OR2M3: variants seen among roughly 807,000 people sequenced by gnomAD.
OR2M3 encodes the protein olfactory receptor 2M3.
OR2M3 carries 1 observed loss-of-function variant against 4.3 expected under a neutral mutation model. The observed-to-expected ratio is 0.23, with a 90% confidence interval of 0.08 to 1.11. The LOEUF (loss-of-function observed/expected upper bound fraction) is 1.11, where lower values mean the gene tolerates loss of function less well. OR2M3 is among the 50% of genes most tolerant of loss of function. The probability of loss-of-function intolerance (pLI) is 0.54; values close to 1 mark genes in which losing one functional copy is unlikely to be tolerated. For synonymous variants in OR2M3, 151 were observed against 139.4 expected, an observed-to-expected ratio of 1.08 and a Z score of -0.59; for missense variants, 410 against 390.4, an observed-to-expected ratio of 1.05 and a Z score of -0.42.
In OR2M3 at chr1:248,206,036, G is replaced by GTGT. The variant is rs959729991; in HGVS notation, c.*2041_*2043dup. ...GGTTAGGTATACTCCTTAATATTTT[G>GTGT]TGTTGTTGTTGTTATATTATTTGCT... On this transcript the variant is annotated 3_prime_UTR_variant, in exon 2 of 2. Transcript: ENST00000641626. 6.6e-6 allele frequency: 1 copy of GTGT among 150,996 alleles called. No individual in the cohort carries two copies. The highest frequency in any genetic ancestry group is 1.9e-4 in the East Asian group (1 of 5,136). The allele number at this position is 150,996 out of a possible 1,614,324, so 9.4% of individuals were successfully genotyped here.
In OR2M3 at chr1:248,205,834, T is replaced by A. The variant is rs1049192954; in HGVS notation, c.*1828T>A. ...TTTCTAGTTCTGTTAAGAAGGATGG[T>A]GATATTTTAGTGGGAATTGCATTGA... On this transcript the variant is annotated 3_prime_UTR_variant, in exon 2 of 2. Transcript: ENST00000641626. 7 of 152,118 alleles carry A rather than the reference T, an allele frequency of 4.6e-5. No individual in the cohort carries two copies. Among genetic ancestry groups the A allele is most frequent in the African/African-American group, 1.7e-4 (7 of 41,434 alleles). 9.4% of individuals were successfully genotyped at this position (152,118 alleles called of 1,614,324 possible).
At chr1:248,202,915 T>C (rs1666173371) in intron 1 of OR2M3, 135 bp from the exon 2 acceptor site, 1 of 770,674 alleles carries the variant, frequency 1.3e-6, no homozygotes, top group Non-Finnish European at 2.1e-6. Flanking sequence ...AGATTCTATA[T>C]TTCTTGACCT....
intron 1 of OR2M3, among the ~76,000 whole-genome samples, chr1:248,200,500 A>C (rs1403659076): frequency 1.3e-5 from 2 of 152,142 alleles, no homozygotes; most frequent in African/African-American, 4.8e-5. Context: ...GACTGGACCT[A>C]GATCTGAGCT....
chr1:248,203,942 T>G lies in OR2M3; in HGVS notation c.875T>G (p.Leu292Arg). The G allele has an allele frequency of 2.5e-6, 4 of 1,613,838 alleles. No individual in the cohort carries two copies. The highest frequency in any genetic ancestry group is 3.4e-6 in the Non-Finnish European group (4 of 1,179,912). The change falls in exon 2 of 2, where the codon CTC becomes CGC. Residue 292 changes from leucine to arginine, a missense_variant. Leu to Arg is a moderately radical substitution (Grantham distance 102, BLOSUM62 -2). Coordinates refer to ENST00000641626, the MANE Select transcript of OR2M3 (RefSeq NM_001004689.2). The stretch of plus-strand genomic sequence containing the variant: ...ATGTTGAATCCCCTCATCTACAGCC[T>G]CCGCAACAAGGAGGTGACCAGAGCA... ...TPMLNPLIYS[L>R]RNKEVTRAFM... is the part of the protein sequence containing the mutation.
chr1:248,200,212 A>G (rs565897205), intron 1 of OR2M3, among the ~76,000 whole-genome samples: 46 of 152,250 alleles, frequency 3.0e-4, no homozygotes, highest in Non-Finnish European at 2.5e-4. Flanking sequence ...GTTTGCATAA[A>G]TTAGTGTATT....
At position 248,210,916 on chromosome 1, in the gene OR2M3, A is replaced by G. The variant is rs1440020562; in HGVS notation, c.*6910A>G. ...AAAGCCTGTTTGGTGGTCTCTTCACATGGACACTTGAGACACTCTGTCCAT... is the reference window on the plus strand; with the variant it reads ...AAAGCCTGTTTGGTGGTCTCTTCACGTGGACACTTGAGACACTCTGTCCAT... On this transcript the variant is annotated 3_prime_UTR_variant, in exon 2 of 2. Coordinates refer to ENST00000641626, the MANE Select transcript of OR2M3 (RefSeq NM_001004689.2). The G allele has an allele frequency of 6.6e-6, 1 of 152,308 alleles. No homozygotes were observed. The highest frequency in any genetic ancestry group is 1.5e-5 in the Non-Finnish European group (1 of 68,110). The allele number at this position is 152,308 out of a possible 1,614,324, so 9.4% of individuals were successfully genotyped here.
intron 1 of OR2M3, among the ~76,000 whole-genome samples, chr1:248,202,523 A>G (rs1031871466): frequency 6.6e-6 from 1 of 152,208 alleles, no homozygotes; most frequent in African/African-American, 2.4e-5. Flanking sequence ...TTTTCAGTGT[A>G]TCCAATTACT....
At position 248,207,585 on chromosome 1, in the gene OR2M3, G is replaced by A. The variant is rs112537706; in HGVS notation, c.*3579G>A. The stretch of plus-strand genomic sequence containing the variant: ...TGTCCCAATAATCATCCAGGAGCAG[G>A]TTATTTAATTTCCATGTATTTGCAA... On this transcript the variant is annotated 3_prime_UTR_variant, in exon 2 of 2. Transcript: ENST00000641626. 6.6e-6 allele frequency: 1 copy of A among 152,008 alleles called. No homozygotes were observed. The highest frequency in any genetic ancestry group is 1.5e-5 in the Non-Finnish European group (1 of 67,966). 9.4% of individuals were successfully genotyped at this position (152,008 alleles called of 1,614,324 possible). A position where few individuals can be genotyped will look rare whatever the true frequency, so the allele number is the denominator to read the frequency against.
rs900848999 is a variant in OR2M3 at position 248,209,539 on chromosome 1, A to G, written c.*5533A>G. The G allele has an allele frequency of 4.6e-5, 7 of 152,136 alleles. No homozygotes were observed. Among genetic ancestry groups the G allele is most frequent in the African/African-American group, 1.2e-4 (5 of 41,420 alleles). 9.4% of individuals were successfully genotyped at this position (152,136 alleles called of 1,614,324 possible). On this transcript the variant is annotated 3_prime_UTR_variant, in exon 2 of 2. Transcript: ENST00000641626. The stretch of plus-strand genomic sequence containing the variant: ...ATGTGGTGTTCTCATTCCCCTAGGA[A>G]TGAGGCTTCCTGAGAGCCAAACTGT...
In OR2M3 at chr1:248,207,176, G is replaced by A. The variant is rs1666232534; in HGVS notation, c.*3170G>A. ...AATATCTCCCTTTTCATTTCTAATT[G>A]TGTTTATTTGCATCTTCTCTATTCT... On this transcript the variant is annotated 3_prime_UTR_variant, in exon 2 of 2. Transcript: ENST00000641626. 1 of 151,798 alleles carries A rather than the reference G, an allele frequency of 6.6e-6. No individual in the cohort carries two copies. Among genetic ancestry groups the A allele is most frequent in the African/African-American group, 2.4e-5 (1 of 41,336 alleles). The allele number at this position is 151,798 out of a possible 1,614,324, so 9.4% of individuals were successfully genotyped here. A position where few individuals can be genotyped will look rare whatever the true frequency, so the allele number is the denominator to read the frequency against.
rs1666291905 is a variant in OR2M3 at position 248,212,451 on chromosome 1, A to G, written c.*8445A>G. The G allele has an allele frequency of 6.6e-6, 1 of 152,038 alleles. No homozygotes were observed. Among genetic ancestry groups the G allele is most frequent in the African/African-American group, 2.4e-5 (1 of 41,442 alleles). 9.4% of individuals were successfully genotyped at this position (152,038 alleles called of 1,614,324 possible). On this transcript the variant is annotated 3_prime_UTR_variant, in exon 2 of 2. Coordinates refer to ENST00000641626, the MANE Select transcript of OR2M3 (RefSeq NM_001004689.2). ...TAAATATAATGTACTTTTTATTAAGATAGATTCATTTATATCCACAGATCT... is the reference window on the plus strand; with the variant it reads ...TAAATATAATGTACTTTTTATTAAGGTAGATTCATTTATATCCACAGATCT...
chr1:248,201,471 T>A (rs1666155853), intron 1 of OR2M3, among the ~76,000 whole-genome samples: 1 of 152,094 alleles, frequency 6.6e-6, no homozygotes, highest in Non-Finnish European at 1.5e-5. Context: ...ATACTTTAAG[T>A]TTTAGGGTAC....
rs1666230078 is a variant in OR2M3, at chr1:248,206,996, G to C, written c.*2990G>C. On this transcript the variant is annotated 3_prime_UTR_variant, in exon 2 of 2. Coordinates refer to ENST00000641626, the MANE Select transcript of OR2M3 (RefSeq NM_001004689.2). Reference sequence around the variant, plus strand: ...AATTTCAGTCATGCTGCTTGTTACTGGTCTGATCAGAGATTCTATATCTTC... The same window carrying C: ...AATTTCAGTCATGCTGCTTGTTACTCGTCTGATCAGAGATTCTATATCTTC... 1 of 151,788 alleles carries C rather than the reference G, an allele frequency of 6.6e-6. No homozygotes were observed. Among genetic ancestry groups the C allele is most frequent in the South Asian group, 2.1e-4 (1 of 4,824 alleles). The allele number at this position is 151,788 out of a possible 1,614,324, so 9.4% of individuals were successfully genotyped here. A position where few individuals can be genotyped will look rare whatever the true frequency, so the allele number is the denominator to read the frequency against.
rs1409694670 is a variant in OR2M3 at position 248,211,206 on chromosome 1, C to T, written c.*7200C>T. Reference sequence around the variant, plus strand: ...TATTTTGGGGGGACTCTTGGAGATGCTGCTGTGACTTCAACCCAGGTGACA... The same window carrying T: ...TATTTTGGGGGGACTCTTGGAGATGTTGCTGTGACTTCAACCCAGGTGACA... On this transcript the variant is annotated 3_prime_UTR_variant, in exon 2 of 2. Coordinates refer to ENST00000641626, the MANE Select transcript of OR2M3 (RefSeq NM_001004689.2). The T allele has an allele frequency of 6.6e-6, 1 of 152,054 alleles. No homozygotes were observed. Among genetic ancestry groups the T allele is most frequent in the East Asian group, 1.9e-4 (1 of 5,186 alleles). The allele number at this position is 152,054 out of a possible 1,614,324, so 9.4% of individuals were successfully genotyped here.
rs1220867216 is a variant in OR2M3, at chr1:248,206,689, T to C, written c.*2683T>C. On this transcript the variant is annotated 3_prime_UTR_variant, in exon 2 of 2. Coordinates refer to ENST00000641626, the MANE Select transcript of OR2M3 (RefSeq NM_001004689.2). ...TTATGGGTGGATTAGCTTTTCGATA[T>C]GCTGTGGGATTCAGTTCTCTAGTAT... 1 of 152,128 alleles carries C rather than the reference T, an allele frequency of 6.6e-6. No individual in the cohort carries two copies. The highest frequency in any genetic ancestry group is 1.5e-5 in the Non-Finnish European group (1 of 68,000). 9.4% of individuals were successfully genotyped at this position (152,128 alleles called of 1,614,324 possible).
chr1:248,209,372 G>C lies in OR2M3; in HGVS notation c.*5366G>C, dbSNP rs1666255437. On this transcript the variant is annotated 3_prime_UTR_variant, in exon 2 of 2. Coordinates refer to ENST00000641626, the MANE Select transcript of OR2M3 (RefSeq NM_001004689.2). Reference sequence around the variant, plus strand: ...GGTGGTGAACTGGTGTGATCTTTTGGGGGTATTACAGAACCTTGTTTTATC... The same window carrying C: ...GGTGGTGAACTGGTGTGATCTTTTGCGGGTATTACAGAACCTTGTTTTATC... The C allele has an allele frequency of 1.3e-5, 2 of 152,068 alleles. No individual in the cohort carries two copies. The highest frequency in any genetic ancestry group is 1.9e-4 in the East Asian group (1 of 5,196). The allele number at this position is 152,068 out of a possible 1,614,324, so 9.4% of individuals were successfully genotyped here.
Sources: allele counts gnomAD v4.1 joint callset (sites outside exome capture counted in the v4.1 genomes callset), GRCh38; gene constraint gnomAD v4.1.1; transcripts MANE v1.5; gene names NCBI Gene and HGNC (gene_info 2026-07-23, HGNC 2026-07-21).